The following NPHP4 variants were observed in gnomAD, a reference collection of about 807,000 sequenced individuals.
NPHP4 encodes nephrocystin 4.
NPHP4 carries 151 observed loss-of-function variants against 155.8 expected under a neutral mutation model. The observed-to-expected ratio is 0.97, with a 90% CI of 0.85 to 1.11. The LOEUF is 1.11. NPHP4 is among the 50% of genes least tolerant of loss of function. The probability of loss-of-function intolerance (pLI) is 0.00; values close to 1 mark genes in which losing one functional copy is unlikely to be tolerated. For missense variants in NPHP4, 1,956 were observed against 1,925.7 expected (o/e 1.02, Z -0.29); for synonymous variants, 845 against 816.8 (o/e 1.03, Z -0.59).
chr1:5,894,644 T>G (rs1644304594), intron 16 of NPHP4, among the ~76,000 whole-genome samples: 2 of 150,994 alleles, frequency 1.3e-5, no homozygotes, highest in Non-Finnish European at 2.9e-5. Context: ...TCCTGGTATA[T>G]CCACACAAAC....
At chr1:5,969,895 TAA>T (rs886777203) in intron 3 of NPHP4, among the ~76,000 whole-genome samples, 35 of 152,216 alleles carry the variant, frequency 2.3e-4, no homozygotes, top group African/African-American at 8.4e-4. Context: ...CCCAAAAGAC[TAA>T]AGTCTTTTTA....
intron 18 of NPHP4, among the ~76,000 whole-genome samples, chr1:5,883,150 G>A (rs1643458046): frequency 6.6e-6 from 1 of 152,176 alleles, no homozygotes; most frequent in African/African-American, 2.4e-5. Context: ...AGATTCATGT[G>A]GGAAAATGGC....
chr1:5,886,376 G>C (rs1444543478), intron 18 of NPHP4: 2 of 152,236 alleles, frequency 1.3e-5, no homozygotes, highest in African/African-American at 4.8e-5. Context: ...TGCGCTGCCA[G>C]CGTCGGGTGG....
At chr1:5,968,049 C>CCTA (rs1389339427) in intron 4 of NPHP4, among the ~76,000 whole-genome samples, 1 of 152,016 alleles carries the variant, frequency 6.6e-6, no homozygotes, top group African/African-American at 2.4e-5. Context: ...TGAATGAACA[C>CCTA]CTACTGCCTG....
chr1:5,870,732 C>G (rs1380776098), intron 23 of NPHP4, among the ~76,000 whole-genome samples: 1 of 152,246 alleles, frequency 6.6e-6, no homozygotes, highest in Non-Finnish European at 1.5e-5. Flanking sequence ...GTATGATGTT[C>G]GTAGAGGACA....
At chr1:5,928,654 T>A in intron 10 of NPHP4, among the ~76,000 whole-genome samples, 1 of 152,222 alleles carries the variant, frequency 6.6e-6, no homozygotes. Flanking sequence ...AATTCCTTGA[T>A]ACTAATTATA....
intron 10 of NPHP4, 116 bp downstream of exon 10, chr1:5,933,031 G>GA (rs1422468144): frequency 4.9e-6 from 4 of 821,552 alleles, no homozygotes; most frequent in Admixed American, 2.9e-5. Context: ...CCCATGACAT[G>GA]AAAAAAATTC....
chr1:5,958,817 C>T (rs1443333244), intron 6 of NPHP4, among the ~76,000 whole-genome samples: 2 of 122,076 alleles, frequency 1.6e-5, no homozygotes, highest in Non-Finnish European at 3.2e-5. Context: ...CAAGATTGTG[C>T]CACTACACTC....
Position 5,927,805 on chromosome 1 carries a change from A to C in NPHP4, c.1303-18T>G, listed in dbSNP as rs776264842. On this transcript the variant is annotated intron_variant, in intron 10 of 29. Coordinates refer to ENST00000378156, the MANE Select transcript of NPHP4 (RefSeq NM_015102.5). ...TGCTTCACCTGCAATGGACCAGAAG[A>C]GCAGTGATGGCCACTCCCTTCATCA... The C allele has an allele frequency of 6.3e-7, 1 of 1,598,874 alleles. No individual in the cohort carries two copies. Among genetic ancestry groups the C allele is most frequent in the South Asian group, 1.1e-5 (1 of 90,522 alleles).
At chr1:5,896,274 C>T (rs74049306) in intron 16 of NPHP4, among the ~76,000 whole-genome samples, 2,054 of 151,762 alleles carry the variant, frequency 0.014, 25 homozygotes, top group Middle Eastern at 0.072. Context: ...TGTAAATAGT[C>T]CAAAAAAATT....
rs773797166 is a variant in NPHP4 at position 5,863,939 on chromosome 1, A to T, written c.4091T>A (p.Leu1364Gln). The change falls in exon 29 of 30, where the codon CTG (leucine) becomes CAG (glutamine). Residue 1364 changes from leucine to glutamine, a missense_variant. Physicochemically the swap from Leu to Gln is moderately radical, Grantham distance 113. Coordinates refer to ENST00000378156, the MANE Select transcript of NPHP4 (RefSeq NM_015102.5). ...NPYPSRRTFH[L>Q]HSDHPELLRF... ...CAGCAGCTCCGGGTGGTCGCTGTGC[A>T]GGTGGAATGTCCTCCGGGAGGGGTA... The T allele has an allele frequency of 1.2e-6, 2 of 1,613,930 alleles. No homozygotes were observed. The highest frequency in any genetic ancestry group is 1.7e-6 in the Non-Finnish European group (2 of 1,179,840).
At chr1:5,894,171 G>C (rs907695445) in intron 16 of NPHP4, among the ~76,000 whole-genome samples, 5 of 152,058 alleles carry the variant, frequency 3.3e-5, no homozygotes, top group African/African-American at 1.2e-4. Flanking sequence ...GCCACCCACA[G>C]GCCACAAAAA....
intron 16 of NPHP4, among the ~76,000 whole-genome samples, chr1:5,897,445 G>A (rs1644448562): frequency 6.6e-6 from 1 of 152,208 alleles, no homozygotes; most frequent in African/African-American, 2.4e-5. Context: ...TCCTGAGGTG[G>A]TGGGCTGTGA....
chr1:5,883,887 C>T (rs1188001690), intron 18 of NPHP4, among the ~76,000 whole-genome samples: 3 of 152,128 alleles, frequency 2.0e-5, no homozygotes, highest in African/African-American at 4.8e-5. Context: ...CTGGGGCAGG[C>T]GACCAGCATT....
chr1:5,930,352 C>G (rs967979961), intron 10 of NPHP4, among the ~76,000 whole-genome samples: 1 of 151,996 alleles, frequency 6.6e-6, no homozygotes, highest in African/African-American at 2.4e-5. Context: ...GTTTATTTTA[C>G]TCTTCTTTTT....
intron 22 of NPHP4, among the ~76,000 whole-genome samples, chr1:5,874,250 G>A (rs1173486452): frequency 2.7e-4 from 28 of 104,024 alleles, no homozygotes; most frequent in Admixed American, 2.3e-3. Context: ...GGAGGAGATG[G>A]TCCAGCTCGA....
intron 5 of NPHP4, among the ~76,000 whole-genome samples, chr1:5,965,193 A>G (rs1375614283): frequency 3.3e-5 from 5 of 151,986 alleles, no homozygotes; most frequent in African/African-American, 1.2e-4. Flanking sequence ...TCAGCCTCTC[A>G]AAGTGTTGGG....
intron 7 of NPHP4, among the ~76,000 whole-genome samples, chr1:5,952,322 A>G (rs979288006): frequency 2.0e-5 from 3 of 152,168 alleles, no homozygotes; most frequent in Admixed American, 1.3e-4. Flanking sequence ...GATTTAGTTT[A>G]CTTTAAATGA....
chr1:5,909,309 C>A (rs868819532), intron 11 of NPHP4, 96 bp from the exon 12 acceptor site: 15 of 928,434 alleles, frequency 1.6e-5, no homozygotes, highest in Non-Finnish European at 2.4e-5. Context: ...TCTCCACAGG[C>A]CTCACCACCT....
Sources: gnomAD v4.1 joint callset for allele counts (sites outside exome capture counted in the v4.1 genomes callset) on GRCh38, gnomAD v4.1.1 for gene constraint, MANE v1.5 for transcripts, NCBI Gene and HGNC (gene_info 2026-07-23, HGNC 2026-07-21) for gene names.